TAF4B: variants seen among roughly 807,000 people sequenced by gnomAD.
The protein encoded by TAF4B is TATA-box binding protein associated factor 4b.
Under a neutral mutation model 86.4 loss-of-function variants are expected in TAF4B, and 38 were observed. That is an observed-to-expected ratio of 0.44 (90% CI 0.34 to 0.58). The LOEUF (loss-of-function observed/expected upper bound fraction) is 0.58. TAF4B is among the 20% of genes least tolerant of loss of function. The pLI, the probability that TAF4B is intolerant of heterozygous loss-of-function variation, is 0.02. For missense variants in TAF4B, 988 were observed against 1,027.6 expected (o/e 0.96, Z 0.53); for synonymous variants, 388 against 391.2 (o/e 0.99, Z 0.10).
chr18:26,371,535 G>A (rs930019932), intron 14 of TAF4B, among the ~76,000 whole-genome samples: 5 of 152,162 alleles, frequency 3.3e-5, no homozygotes, highest in Admixed American at 6.6e-5. Context: ...TCATTTAATT[G>A]CTAAAGACAA....
intron 13 of TAF4B, among the ~76,000 whole-genome samples, chr18:26,354,718 T>C (rs2057273304): frequency 6.6e-6 from 1 of 152,228 alleles, no homozygotes; most frequent in African/African-American, 2.4e-5. Context: ...CGTATTTATA[T>C]GCATCTTATT....
rs1978699524 is a variant in TAF4B, at chr18:26,391,361, GGA to G, written c.*1350_*1351del. The G allele has an allele frequency of 7.4e-6, 1 of 134,506 alleles. No individual in the cohort carries two copies. The highest frequency in any genetic ancestry group is 3.5e-5 in the African/African-American group (1 of 28,844). The allele number at this position is 134,506 out of a possible 1,614,324, so 8.3% of individuals were successfully genotyped here. ...AAATGCTATACTTATAAGAATTGAA[GGA>G]AAAAAAAAAAAACACCTCACGTATG... On this transcript the variant is annotated 3_prime_UTR_variant, in exon 15 of 15. Coordinates refer to ENST00000269142, the MANE Select transcript of TAF4B (RefSeq NM_005640.3).
At chr18:26,331,184 T>G (rs950885387) in intron 12 of TAF4B, among the ~76,000 whole-genome samples, 3 of 152,202 alleles carry the variant, frequency 2.0e-5, no homozygotes, top group African/African-American at 7.2e-5. Flanking sequence ...TCAAGTGTTA[T>G]AAGTAAGCAC....
intron 14 of TAF4B, among the ~76,000 whole-genome samples, chr18:26,366,769 G>T (rs2144329126): frequency 6.6e-6 from 1 of 152,182 alleles, no homozygotes; most frequent in African/African-American, 2.4e-5. Context: ...ATTTTTTTAG[G>T]TGAACAGTTG....
At position 26,258,705 on chromosome 18, in the gene TAF4B, T is replaced by A. The variant is rs187164617; in HGVS notation, c.344-6465T>A. On this transcript the variant is annotated intron_variant, in intron 1 of 14. Coordinates refer to ENST00000269142, the MANE Select transcript of TAF4B (RefSeq NM_005640.3). ...CTTCTCAGTTTAAATTAAAAAAAAATTTTTTTTAGAGACAAGGTCTTGCTC... is the reference window on the plus strand; with the variant it reads ...CTTCTCAGTTTAAATTAAAAAAAAAATTTTTTTAGAGACAAGGTCTTGCTC... Among the ~76,000 whole-genome samples, 9 of 151,748 alleles carry A rather than the reference T, an allele frequency of 5.9e-5. No individual in the cohort carries two copies. The East Asian group carries it at 7.7e-4, about 13-fold the overall frequency.
At chr18:26,278,885 A>G (rs1371863495) in intron 5 of TAF4B, among the ~76,000 whole-genome samples, 3 of 152,106 alleles carry the variant, frequency 2.0e-5, no homozygotes, top group Non-Finnish European at 2.9e-5. Context: ...TGGATTTACA[A>G]TGTCATTCTG....
chr18:26,374,228 T>G (rs1283879220), intron 14 of TAF4B, among the ~76,000 whole-genome samples: 1 of 152,208 alleles, frequency 6.6e-6, no homozygotes, highest in Non-Finnish European at 1.5e-5. Context: ...ATCACTTTAA[T>G]TATAGTTAGC....
intron 1 of TAF4B, among the ~76,000 whole-genome samples, chr18:26,258,475 A>G (rs563834498): frequency 6.6e-6 from 1 of 152,012 alleles, no homozygotes; most frequent in South Asian, 2.1e-4. Context: ...CAAAGACGTA[A>G]TTCTATATAT....
chr18:26,237,353 A>T (rs1226521056), intron 1 of TAF4B, among the ~76,000 whole-genome samples: 1 of 152,210 alleles, frequency 6.6e-6, no homozygotes, highest in Non-Finnish European at 1.5e-5. Context: ...CTATATACCT[A>T]TCAGGATTAT....
At chr18:26,297,182 A>T (rs1371478089) in intron 9 of TAF4B, among the ~76,000 whole-genome samples, 1 of 151,900 alleles carries the variant, frequency 6.6e-6, no homozygotes, top group Non-Finnish European at 1.5e-5. Context: ...TTAACATTTT[A>T]TTTGGGGAGA....
At chr18:26,344,167 G>T (rs564089174) in intron 13 of TAF4B, among the ~76,000 whole-genome samples, 1 of 152,022 alleles carries the variant, frequency 6.6e-6, no homozygotes, top group Non-Finnish European at 1.5e-5. Flanking sequence ...GCTGAATAGC[G>T]GATAGAAATG....
At chr18:26,259,445 C>G (rs1438236180) in intron 1 of TAF4B, among the ~76,000 whole-genome samples, 2 of 151,876 alleles carry the variant, frequency 1.3e-5, no homozygotes, top group African/African-American at 4.8e-5. Flanking sequence ...CCTCCCACCC[C>G]GCGACAGGCC....
At chr18:26,346,803 ATATATATATATATGTGTGTG>A in intron 13 of TAF4B, among the ~76,000 whole-genome samples, 1 of 17,914 alleles carries the variant, frequency 5.6e-5, no homozygotes, top group Non-Finnish European at 1.2e-4. Flanking sequence ...ATATATGTGT[ATATATATATATATGTGTGTG>A]TATATATATA....
At chr18:26,245,506 A>G (rs898375111) in intron 1 of TAF4B, among the ~76,000 whole-genome samples, 3 of 151,982 alleles carry the variant, frequency 2.0e-5, no homozygotes, top group Non-Finnish European at 4.4e-5. Context: ...CCCATGTTCC[A>G]TTTCTGTCCT....
chr18:26,262,155 C>A (rs139065963), intron 1 of TAF4B, among the ~76,000 whole-genome samples: 36 of 151,184 alleles, frequency 2.4e-4, no homozygotes, highest in Middle Eastern at 6.9e-3. Context: ...GACTTGAACC[C>A]TAAGATGCAC....
chr18:26,255,603 C>CAAAAAAAAAAAAAAAAAAAAAA lies in TAF4B; in HGVS notation c.344-9552_344-9551insAAAAAAAAAAAAAAAAAAAAAA, dbSNP rs71169836. The CAAAAAAAAAAAAAAAAAAAAAA allele has an allele frequency of 1.3e-4, 64 of 486,114 alleles. 1 individual carries two copies. In the African/African-American group the frequency reaches 1.8e-3, roughly 13 times the overall value. The allele number at this position is 486,114 out of a possible 1,614,324, so 30.1% of individuals were successfully genotyped here. On this transcript the variant is annotated intron_variant, in intron 1 of 14. Transcript: ENST00000269142. ...GACAACAAGAGCAAAACTCTGTCTCCAAAAAAAAAAAAAAAGAGGGTCAGT... is the reference window on the plus strand; with the variant it reads ...GACAACAAGAGCAAAACTCTGTCTCCAAAAAAAAAAAAAAAAAAAAAAAAAAAAAAAAAAAAAGAGGGTCAGT...
At chr18:26,312,597 A>G (rs1043712558) in intron 9 of TAF4B, among the ~76,000 whole-genome samples, 2 of 152,084 alleles carry the variant, frequency 1.3e-5, no homozygotes, top group Non-Finnish European at 2.9e-5. Context: ...TGCTAATACA[A>G]TGCTAGGTAT....
chr18:26,257,838 C>CGT (rs1230126162), intron 1 of TAF4B, among the ~76,000 whole-genome samples: 24 of 100,788 alleles, frequency 2.4e-4, no homozygotes, highest in South Asian at 1.9e-3. Context: ...CTTTCCTCTG[C>CGT]GTGCGTGTGT....
intron 13 of TAF4B, among the ~76,000 whole-genome samples, chr18:26,336,425 T>C (rs1568159873): frequency 1.3e-5 from 2 of 152,162 alleles, no homozygotes; most frequent in Admixed American, 1.3e-4. Context: ...AGTGGAAATC[T>C]AGTAAGATTC....
Sources: allele counts gnomAD v4.1 joint callset (sites outside exome capture counted in the v4.1 genomes callset), GRCh38; gene constraint gnomAD v4.1.1; transcripts MANE v1.5; gene names NCBI Gene and HGNC (gene_info 2026-07-23, HGNC 2026-07-21).